Variants in ACAN observed in about 807,000 individuals in gnomAD.
The protein encoded by ACAN is aggrecan core protein.
ACAN carries 47 observed loss-of-function variants against 169.1 expected under a neutral mutation model. The observed-to-expected ratio is 0.28, with a 90% CI of 0.22 to 0.35. ACAN has a LOEUF of 0.35. Among genes scored for constraint, ACAN ranks in the 10% least tolerant of loss-of-function variants. ACAN has a pLI of 1.00. For missense variants in ACAN, 2,716 were observed against 2,759.9 expected (o/e 0.98, Z 0.36); for synonymous variants, 1,115 against 1,112.2 (o/e 1.00, Z -0.05).
Position 88,814,134 on chromosome 15 carries a change from T to C in ACAN, c.-8+10325T>C, listed in dbSNP as rs1471068776. Among the ~76,000 whole-genome samples the C allele has an allele frequency of 6.6e-6, 1 of 152,214 alleles. No homozygotes were observed. The highest frequency in any genetic ancestry group is 1.5e-5 in the Non-Finnish European group (1 of 68,032). ...GTCAGCAGCCATCCCTCATCAGCAG[T>C]GTGACCTTGACAGAGTTGATTAGTC... On this transcript the variant is annotated intron_variant, in intron 1 of 18. Transcript: ENST00000560601. This position sits in a 1 kb window ranked among gnomAD's most constrained non-coding sequence, Gnocchi z 4.0.
chr15:88,807,864 G>A lies in ACAN; in HGVS notation c.-8+4055G>A, dbSNP rs189485912. ...CTCTCCCTCTCAATGGCCTTACAGT[G>A]TATCCTAAAGAAGCTTTTTGTTAAA... On this transcript the variant is annotated intron_variant, in intron 1 of 18. Transcript: ENST00000560601. The surrounding 1 kb of genome is among the most constrained non-coding windows in gnomAD (Gnocchi z 4.0). 1.2e-3 allele frequency among the ~76,000 whole-genome samples: 189 copies of A among 151,988 alleles called. 1 individual carries two copies. Among genetic ancestry groups the A allele is most frequent in the Admixed American group, 5.4e-3 (82 of 15,274 alleles).
chr15:88,874,303 C>T lies in ACAN; in HGVS notation c.7631-102C>T, dbSNP rs1304091786. 2.4e-6 allele frequency: 3 copies of T among 1,240,388 alleles called. No homozygotes were observed. The East Asian group carries it at 7.6e-5, about 31-fold the overall frequency. 76.8% of individuals were successfully genotyped at this position (1,240,388 alleles called of 1,614,324 possible). On this transcript the variant is annotated intron_variant, in intron 18 of 18. Transcript: ENST00000560601. This position sits in a 1 kb window ranked among gnomAD's most constrained non-coding sequence, Gnocchi z 7.3. ...CCGATAAAGCCTCAGGCGCCTGAGT[C>T]CTGGTTTCCACAAGGGAGAGAGGGT...
At chr15:88,852,059 A>C (rs1382999098) in intron 11 of ACAN, 26 bp downstream of exon 11, 7 of 1,571,228 alleles carry the variant, frequency 4.5e-6, no homozygotes, top group Non-Finnish European at 6.0e-6. Flanking sequence ...GTTCTGGGGC[A>C]CACCCTGAAG....
chr15:88,859,452 G>T (rs555566720), intron 12 of ACAN, 35 bp downstream of exon 12: 3 of 1,551,496 alleles, frequency 1.9e-6, no homozygotes, highest in Non-Finnish European at 2.6e-6. Context: ...AATGTGCTTA[G>T]GTAGTTCAGA....
At chr15:88,831,547 T>C (rs1896363689) in intron 1 of ACAN, among the ~76,000 whole-genome samples, 1 of 152,206 alleles carries the variant, frequency 6.6e-6, no homozygotes, top group East Asian at 1.9e-4. Flanking sequence ...TTTCCTCTCT[T>C]TGTGCCACAC....
chr15:88,807,745 G>GGTGTGT lies in ACAN; in HGVS notation c.-8+3937_-8+3938insTGTGTG, dbSNP rs1390661917. Among the ~76,000 whole-genome samples the GGTGTGT allele has an allele frequency of 1.6e-5, 1 of 62,602 alleles. No homozygotes were observed. 41.1% of individuals were successfully genotyped at this position (62,602 alleles called of 152,430 possible). A position where few individuals can be genotyped will look rare whatever the true frequency, so the allele number is the denominator to read the frequency against. On this transcript the variant is annotated intron_variant, in intron 1 of 18. Transcript: ENST00000560601. This position sits in a 1 kb window ranked among gnomAD's most constrained non-coding sequence, Gnocchi z 4.0. ...AACTCAGAGCCTCCTTATAAGTGGT[G>GGTGTGT]GAGTGTGTGTGTGTGTGTGTGTGTG...
Position 88,840,170 on chromosome 15 carries a change from G to C in ACAN, c.613G>C (p.Ala205Pro), listed in dbSNP as rs1896615150. 1 of 1,599,636 alleles carries C rather than the reference G, an allele frequency of 6.3e-7. No homozygotes were observed. The highest frequency in any genetic ancestry group is 8.5e-7 in the Non-Finnish European group (1 of 1,174,470). Residue 205 changes from alanine to proline, a missense_variant, in exon 4 of 19, where the codon GCT (alanine) becomes CCT (proline). Transcript: ENST00000560601. ...CCACCAGTGTGACGCCGGCTGGCTG[G>C]CTGACCAGACTGTCAGGTGAGCCCT... Reference protein sequence around the residue: ...GFHQCDAGWLADQTVRYPIHT... With the variant: ...GFHQCDAGWLPDQTVRYPIHT...
chr15:88,859,824 G>C (rs79562146), intron 12 of ACAN, among the ~76,000 whole-genome samples: 4,435 of 152,272 alleles, frequency 0.029, 87 homozygotes, highest in Non-Finnish European at 0.041. Context: ...CATGCACCCT[G>C]CCCCGGAGTG....
At chr15:88,832,174 T>C (rs1442052775) in intron 1 of ACAN, among the ~76,000 whole-genome samples, 2 of 152,030 alleles carry the variant, frequency 1.3e-5, no homozygotes, top group East Asian at 3.9e-4. Flanking sequence ...AGGTCATTAT[T>C]GTAAAGCATC....
chr15:88,835,442 AATT>A (rs1239230496), intron 1 of ACAN, among the ~76,000 whole-genome samples: 1 of 152,160 alleles, frequency 6.6e-6, no homozygotes, highest in East Asian at 1.9e-4. Flanking sequence ...AGAGAGAGAG[AATT>A]ATTATAAGGA....
At position 88,872,864 on chromosome 15, in the gene ACAN, C is replaced by T; in HGVS notation, c.7303-17C>T. The T allele has an allele frequency of 6.2e-7, 1 of 1,612,750 alleles. No individual in the cohort carries two copies. The highest frequency in any genetic ancestry group is 2.2e-5 in the East Asian group (1 of 44,894). ...TGTCCTGCCCTCTCCTTACTCCTTC[C>T]CCACTCCCACCCACAGCAATTTGAG... On this transcript the variant is annotated splice_polypyrimidine_tract_variant and intron_variant, in intron 16 of 18. Transcript: ENST00000560601. The surrounding 1 kb of genome is among the most constrained non-coding windows in gnomAD (Gnocchi z 5.4).
intron 1 of ACAN, among the ~76,000 whole-genome samples, chr15:88,810,781 G>C (rs917997663): frequency 1.3e-5 from 2 of 152,200 alleles, no homozygotes; most frequent in Non-Finnish European, 1.5e-5. Flanking sequence ...AAGAGATTCT[G>C]CTTCAGTGAG....
At chr15:88,847,760 G>T in intron 8 of ACAN, 151 bp from the exon 9 acceptor site, 19 of 1,046,070 alleles carry the variant, frequency 1.8e-5, no homozygotes, top group Non-Finnish European at 2.4e-5. Context: ...CAGAGAACTT[G>T]CTGCATAAGG....
At chr15:88,867,336 A>T (rs1897295739) in intron 13 of ACAN, among the ~76,000 whole-genome samples, 1 of 152,238 alleles carries the variant, frequency 6.6e-6, no homozygotes, top group Non-Finnish European at 1.5e-5. Context: ...AAAGAGGCAG[A>T]GGATGGGGAT....
intron 1 of ACAN, among the ~76,000 whole-genome samples, chr15:88,821,674 G>T (rs1896079323): frequency 6.6e-6 from 1 of 152,164 alleles, no homozygotes; most frequent in South Asian, 2.1e-4. Flanking sequence ...GCTGTCCCAA[G>T]GAGGGAAAGC....
In ACAN at chr15:88,849,567, A is replaced by G; in HGVS notation, c.1862A>G (p.Lys621Arg). The change falls in exon 10 of 19, where the codon AAG (lysine) becomes AGG (arginine). Residue 621 changes from lysine (K) to arginine (R), a missense_variant. By Grantham distance (26) the Lys-to-Arg change is conservative. Transcript: ENST00000560601. This position sits in a 1 kb window ranked among gnomAD's most constrained non-coding sequence, Gnocchi z 5.1. ...LYAAWSRGLD[K>R]CYAGWLADGS... ...GCCGCCTGGAGCCGCGGCCTGGACA[A>G]GTGCTATGCCGGCTGGCTGGCCGAC... is the stretch of plus-strand genomic sequence containing the variant. The G allele has an allele frequency of 6.2e-7, 1 of 1,607,822 alleles. No individual in the cohort carries two copies. Among genetic ancestry groups the G allele is most frequent in the Non-Finnish European group, 8.5e-7 (1 of 1,177,486 alleles).
chr15:88,857,579 C>T lies in ACAN; in HGVS notation c.4994C>T (p.Thr1665Ile). The T allele has an allele frequency of 6.2e-7, 1 of 1,613,944 alleles. No individual in the cohort carries two copies. The highest frequency in any genetic ancestry group is 8.5e-7 in the Non-Finnish European group (1 of 1,179,888). The change falls in exon 12 of 19, where the codon ACA becomes ATA. Residue 1665 changes from threonine to isoleucine, a missense_variant. Transcript: ENST00000560601. ...CCAACTGTTTCCCTAGTGGATTCTA[C>T]ATTGGTGGAAGTGGTCACAGCCTCC... is the stretch of plus-strand genomic sequence containing the variant. Reference protein sequence around the residue: ...GFPTVSLVDSTLVEVVTASTA... With the variant: ...GFPTVSLVDSILVEVVTASTA...
At position 88,868,126 on chromosome 15, in the gene ACAN, G is replaced by A. The variant is rs1596154318; in HGVS notation, c.6947-90G>A. ...TTCCCTCCCAGGGGTCTGGAGAGCA[G>A]CAGGACTGGCCACTCAAAAGGAGGC... On this transcript the variant is annotated intron_variant, in intron 13 of 18. Transcript: ENST00000560601. This position sits in a 1 kb window ranked among gnomAD's most constrained non-coding sequence, Gnocchi z 5.2. 2 of 647,646 alleles carry A rather than the reference G, an allele frequency of 3.1e-6. No individual in the cohort carries two copies. Among genetic ancestry groups the A allele is most frequent in the East Asian group, 5.5e-5 (2 of 36,622 alleles). 40.1% of individuals were successfully genotyped at this position (647,646 alleles called of 1,614,324 possible).
At chr15:88,867,576 A>G (rs1188379910) in intron 13 of ACAN, among the ~76,000 whole-genome samples, 1 of 152,206 alleles carries the variant, frequency 6.6e-6, no homozygotes, top group Non-Finnish European at 1.5e-5. Flanking sequence ...TCATTTTTAT[A>G]AGAGATTCTA....
Sources: gnomAD v4.1 joint callset for allele counts (sites outside exome capture counted in the v4.1 genomes callset) on GRCh38, gnomAD v4.1.1 for gene constraint, Gnocchi (gnomAD v3.1) non-coding constraint, MANE v1.5 for transcripts, NCBI Gene and HGNC (gene_info 2026-07-23, HGNC 2026-07-21) for gene names.